The following SV2B variants were observed in gnomAD, a reference collection of about 807,000 sequenced individuals.
The protein encoded by SV2B is solute carrier family 22 member B2.
Under a neutral mutation model 73.9 loss-of-function variants are expected in SV2B, and 41 were observed. The ratio of observed to expected loss-of-function variants is 0.56; its 90% CI spans 0.43 to 0.72. The LOEUF is 0.72. SV2B is among the 30% of genes least tolerant of loss of function. The pLI, the probability that SV2B is intolerant of heterozygous loss-of-function variation, is 0.00. For missense variants in SV2B, 764 were observed against 857.8 expected, an observed-to-expected ratio of 0.89 and a Z score of 1.37; for synonymous variants, 314 against 314.2, an observed-to-expected ratio of 1.00 and a Z score of 0.01.
chr15:91,269,161 G>C (rs1419062499), intron 9 of SV2B, among the ~76,000 whole-genome samples: 2 of 151,952 alleles, frequency 1.3e-5, no homozygotes, highest in African/African-American at 4.8e-5. Context: ...AGCTTTGTGG[G>C]GCTGCTTCCT....
intron 4 of SV2B, among the ~76,000 whole-genome samples, chr15:91,257,831 C>T (rs1161831838): frequency 6.6e-6 from 1 of 152,176 alleles, no homozygotes; most frequent in Non-Finnish European, 1.5e-5. Flanking sequence ...GTGCTCAGGA[C>T]CCAGGAATTC....
chr15:91,126,581 C>T (rs918729934), intron 1 of SV2B, among the ~76,000 whole-genome samples: 4 of 151,984 alleles, frequency 2.6e-5, no homozygotes, highest in Non-Finnish European at 5.9e-5. Context: ...ACAAATACCT[C>T]GGATATATAG....
chr15:91,189,945 G>A (rs565990314), intron 1 of SV2B, among the ~76,000 whole-genome samples: 5 of 152,014 alleles, frequency 3.3e-5, no homozygotes, highest in East Asian at 1.9e-4. Context: ...CTGAGATTGC[G>A]CCACTGCACT....
intron 1 of SV2B, among the ~76,000 whole-genome samples, chr15:91,172,574 G>A (rs1167924527): frequency 6.6e-6 from 1 of 152,180 alleles, no homozygotes; most frequent in Non-Finnish European, 1.5e-5. Context: ...AGGCTGATGT[G>A]AGGCCCCCAC....
At chr15:91,117,817 A>C (rs527823572) in intron 1 of SV2B, among the ~76,000 whole-genome samples, 1 of 152,338 alleles carries the variant, frequency 6.6e-6, no homozygotes, top group East Asian at 1.9e-4. Flanking sequence ...ATCATATTAC[A>C]TGGGGGAAAA....
At position 91,234,503 on chromosome 15, in the gene SV2B, T is replaced by G. The variant is rs2046704035; in HGVS notation, c.451+7789T>G. 6.6e-6 allele frequency among the ~76,000 whole-genome samples: 1 copy of G among 152,184 alleles called. No homozygotes were observed. The highest frequency in any genetic ancestry group is 1.5e-5 in the Non-Finnish European group (1 of 68,020). ...AGAGGCAAAGCAGAAATCAGAACAG[T>G]CTGACCTATGTAGACCTGTGGTACT... On this transcript the variant is annotated intron_variant, in intron 2 of 12. Coordinates refer to ENST00000394232, the MANE Select transcript of SV2B (RefSeq NM_001323032.3). This position sits in a 1 kb window ranked among gnomAD's most constrained non-coding sequence, Gnocchi z 5.6.
At chr15:91,235,427 T>C (rs1196252836) in intron 2 of SV2B, among the ~76,000 whole-genome samples, 1 of 145,560 alleles carries the variant, frequency 6.9e-6, no homozygotes, top group Non-Finnish European at 1.5e-5. Flanking sequence ...TTTCTGTAAC[T>C]AACACACAAT....
chr15:91,202,067 G>T (rs1294784293), intron 1 of SV2B, among the ~76,000 whole-genome samples: 1 of 152,076 alleles, frequency 6.6e-6, no homozygotes, highest in African/African-American at 2.4e-5. Context: ...CTCACTCCCT[G>T]CTTCTTTCTC....
intron 2 of SV2B, among the ~76,000 whole-genome samples, chr15:91,237,300 T>C (rs1272503265): frequency 3.3e-5 from 5 of 152,122 alleles, no homozygotes; most frequent in African/African-American, 1.2e-4. Flanking sequence ...GTCCTTTCCA[T>C]TGTAGGATGC....
chr15:91,271,768 G>A (rs933830279), intron 9 of SV2B, among the ~76,000 whole-genome samples: 2 of 152,096 alleles, frequency 1.3e-5, no homozygotes, highest in African/African-American at 4.8e-5. Flanking sequence ...TCTGCTGGTC[G>A]TGAGCTGGAA....
chr15:91,171,653 C>G (rs1425216367), intron 1 of SV2B, among the ~76,000 whole-genome samples: 1 of 152,208 alleles, frequency 6.6e-6, no homozygotes, highest in Non-Finnish European at 1.5e-5. Flanking sequence ...AAATGCTCAT[C>G]ATCTCTCCTC....
intron 1 of SV2B, 121 bp from the exon 2 acceptor site, chr15:91,225,752 A>G (rs367639259): frequency 1.9e-5 from 3 of 156,010 alleles, no homozygotes; most frequent in African/African-American, 7.2e-5. Context: ...GTCTGATAAG[A>G]TTTCTCCCAC....
rs965852609 is a variant in SV2B at position 91,289,912 on chromosome 15, G to A, written c.1868+232G>A. Among the ~76,000 whole-genome samples, 3 of 152,222 alleles carry A rather than the reference G, an allele frequency of 2.0e-5. No homozygotes were observed. Among genetic ancestry groups the A allele is most frequent in the South Asian group, 2.1e-4 (1 of 4,832 alleles). ...AGATGGCAAGAAGCAAAGGATGGGA[G>A]CAAACTATGTCCAGGAGAAGGAAAT... On this transcript the variant is annotated intron_variant, in intron 12 of 12. Coordinates refer to ENST00000394232, the MANE Select transcript of SV2B (RefSeq NM_001323032.3). The surrounding 1 kb of genome is among the most constrained non-coding windows in gnomAD (Gnocchi z 4.9).
At chr15:91,196,853 A>C (rs1486441076) in intron 1 of SV2B, among the ~76,000 whole-genome samples, 5 of 152,162 alleles carry the variant, frequency 3.3e-5, no homozygotes, top group African/African-American at 1.2e-4. Flanking sequence ...GGTGAGCCTA[A>C]AGGGGAGGGC....
At chr15:91,186,524 T>C (rs1362381454) in intron 1 of SV2B, among the ~76,000 whole-genome samples, 3 of 152,220 alleles carry the variant, frequency 2.0e-5, no homozygotes, top group African/African-American at 4.8e-5. Context: ...GAGGTCATTA[T>C]ACCTACCAAC....
rs931725999 is a variant in SV2B at position 91,274,150 on chromosome 15, G to C, written c.1373+5545G>C. Among the ~76,000 whole-genome samples the C allele has an allele frequency of 2.0e-5, 3 of 151,956 alleles. No homozygotes were observed. The East Asian group carries it at 5.8e-4, about 29-fold the overall frequency. On this transcript the variant is annotated intron_variant, in intron 9 of 12. Coordinates refer to ENST00000394232, the MANE Select transcript of SV2B (RefSeq NM_001323032.3). ...TTTAAGTAGTTAATAAACTTTTCTT[G>C]CTATTACAAATAAAGCTGCAAAAAG...
intron 1 of SV2B, among the ~76,000 whole-genome samples, chr15:91,147,321 C>T (rs2043174244): frequency 6.6e-6 from 1 of 152,266 alleles, no homozygotes; most frequent in East Asian, 1.9e-4. Context: ...CTCTGGAGCT[C>T]CCTGAGATGT....
rs1272845278 is a variant in SV2B, at chr15:91,301,355, C to T, written c.*8803C>T. 1 of 152,120 alleles carries T rather than the reference C, an allele frequency of 6.6e-6. No homozygotes were observed. Among genetic ancestry groups the T allele is most frequent in the African/African-American group, 2.4e-5 (1 of 41,444 alleles). The allele number at this position is 152,120 out of a possible 1,614,324, so 9.4% of individuals were successfully genotyped here. A position where few individuals can be genotyped will look rare whatever the true frequency, so the allele number is the denominator to read the frequency against. ...TTTTCGTGGTTTCATTTATCTCTCC[C>T]TTCAGATGTTTTTCCATCTGACTGT... is the stretch of plus-strand genomic sequence containing the variant. On this transcript the variant is annotated 3_prime_UTR_variant, in exon 13 of 13. Coordinates refer to ENST00000394232, the MANE Select transcript of SV2B (RefSeq NM_001323032.3). This position sits in a 1 kb window ranked among gnomAD's most constrained non-coding sequence, Gnocchi z 4.3.
rs2049349931 is a variant in SV2B, at chr15:91,299,093, TATAC to T, written c.*6549_*6552del. ...TCACTCTAAAATGTGGGTGTGTATA[TATAC>T]ATACATATATATACACACACACATT... On this transcript the variant is annotated 3_prime_UTR_variant, in exon 13 of 13. Transcript: ENST00000394232. 1 of 152,158 alleles carries T rather than the reference TATAC, an allele frequency of 6.6e-6. No homozygotes were observed. The highest frequency in any genetic ancestry group is 2.1e-4 in the South Asian group (1 of 4,834). 9.4% of individuals were successfully genotyped at this position (152,158 alleles called of 1,614,324 possible). A position where few individuals can be genotyped will look rare whatever the true frequency, so the allele number is the denominator to read the frequency against.
Sources: gnomAD v4.1 joint callset for allele counts (sites outside exome capture counted in the v4.1 genomes callset) on GRCh38, gnomAD v4.1.1 for gene constraint, Gnocchi (gnomAD v3.1) non-coding constraint, MANE v1.5 for transcripts, NCBI Gene and HGNC (gene_info 2026-07-23, HGNC 2026-07-21) for gene names.